The following FBXO22 variants were observed in gnomAD, a reference collection of about 807,000 sequenced individuals.
FBXO22 encodes the protein F-box protein 22.
Under a neutral mutation model 37.2 loss-of-function variants are expected in FBXO22, and 13 were observed. That is an observed-to-expected ratio of 0.35 (90% CI 0.23 to 0.56). The LOEUF is 0.56. FBXO22 is among the 20% of genes least tolerant of loss of function. FBXO22 has a pLI of 0.87. For synonymous variants in FBXO22, 189 were observed against 189.1 expected (o/e 1.00, Z 0.00); for missense variants, 446 against 509.9 (o/e 0.87, Z 1.21).
intron 2 of FBXO22, among the ~76,000 whole-genome samples, chr15:75,906,981 G>A (rs1374328956): frequency 6.6e-6 from 1 of 152,174 alleles, no homozygotes; most frequent in African/African-American, 2.4e-5. Flanking sequence ...AGTATCATCT[G>A]AATTATTAAA....
chr15:75,918,227 G>A (rs566659696), intron 5 of FBXO22, among the ~76,000 whole-genome samples: 3 of 151,892 alleles, frequency 2.0e-5, no homozygotes, highest in South Asian at 2.1e-4. Context: ...GTAAAAAATT[G>A]TGTAGCAGCA....
chr15:75,930,646 T>C (rs1256458426), intron 6 of FBXO22: 29 of 985,386 alleles, frequency 2.9e-5, no homozygotes, highest in Non-Finnish European at 3.4e-5. Flanking sequence ...GATAAAAATA[T>C]TTGCTCTTCT....
chr15:75,911,390 C>A (rs1900049202), intron 2 of FBXO22, among the ~76,000 whole-genome samples: 1 of 152,192 alleles, frequency 6.6e-6, no homozygotes, highest in Admixed American at 6.5e-5. Context: ...TTCTTCCTAT[C>A]CTTGAGCATG....
chr15:75,928,413 T>C (rs1212847794), intron 5 of FBXO22, among the ~76,000 whole-genome samples: 2 of 152,120 alleles, frequency 1.3e-5, no homozygotes, highest in Non-Finnish European at 2.9e-5. Context: ...TAAAAAAGAA[T>C]GAGATCACGT....
At chr15:75,930,967 G>C (rs1203770194) in intron 6 of FBXO22, 1 of 596,908 alleles carries the variant, frequency 1.7e-6, no homozygotes, top group African/African-American at 2.0e-5. Flanking sequence ...TGAGGTCCCT[G>C]GACTGCCAGG....
Position 75,904,059 on chromosome 15 carries a change from T to C in FBXO22, c.96T>C (p.Arg32=). 1 of 1,555,486 alleles carries C rather than the reference T, an allele frequency of 6.4e-7. No individual in the cohort carries two copies. The highest frequency in any genetic ancestry group is 8.7e-7 in the Non-Finnish European group (1 of 1,148,690). The change falls in exon 1 of 7, where the codon CGT becomes CGC. Residue 32 remains arginine (R), a synonymous_variant. Coordinates refer to ENST00000308275, the MANE Select transcript of FBXO22 (RefSeq NM_147188.3). ...VLSNLAEVVE[R]VLTFLPAKAL... ...GTAACCTGGCGGAGGTGGTGGAGCG[T>C]GTGCTCACCTTCCTGCCCGCCAAGG...
At chr15:75,930,136 C>A in intron 6 of FBXO22, 87 bp downstream of exon 6, 1 of 1,598,412 alleles carries the variant, frequency 6.3e-7, no homozygotes. Flanking sequence ...ATTTAAAAAA[C>A]GTGTTTAAAG....
At chr15:75,919,749 G>A (rs181291536) in intron 5 of FBXO22, among the ~76,000 whole-genome samples, 32 of 152,278 alleles carry the variant, frequency 2.1e-4, no homozygotes, top group African/African-American at 7.2e-4. Context: ...TGTAGTTTGT[G>A]GGGGGAATAG....
Position 75,942,365 on chromosome 15 carries a change from G to C in FBXO22, c.*9263G>C, listed in dbSNP as rs150299509. 6.6e-6 allele frequency: 1 copy of C among 151,682 alleles called. No homozygotes were observed. Among genetic ancestry groups the C allele is most frequent in the Admixed American group, 6.6e-5 (1 of 15,232 alleles). 9.4% of individuals were successfully genotyped at this position (151,682 alleles called of 1,614,324 possible). The stretch of plus-strand genomic sequence containing the variant: ...TTGTCTCAAAAAGTAAAGTAAAAAT[G>C]TGTCAATATTGGTTAAACAAATATA... On this transcript the variant is annotated 3_prime_UTR_variant, in exon 7 of 7. Transcript: ENST00000308275.
chr15:75,903,898 C>T lies in FBXO22; in HGVS notation c.-66C>T, dbSNP rs145644601. 3 of 1,428,016 alleles carry T rather than the reference C, an allele frequency of 2.1e-6. No individual in the cohort carries two copies. The highest frequency in any genetic ancestry group is 5.3e-5 in the East Asian group (2 of 37,838). The allele number at this position is 1,428,016 out of a possible 1,614,324, so 88.5% of individuals were successfully genotyped here. A position where few individuals can be genotyped will look rare whatever the true frequency, so the allele number is the denominator to read the frequency against. On this transcript the variant is annotated 5_prime_UTR_variant, in exon 1 of 7. Coordinates refer to ENST00000308275, the MANE Select transcript of FBXO22 (RefSeq NM_147188.3). ...TGCTCAGTGCGCGCCGGCCGGGCAACCCTATGCTGGCGTAATCGGGTTCCT... is the reference window on the plus strand; with the variant it reads ...TGCTCAGTGCGCGCCGGCCGGGCAATCCTATGCTGGCGTAATCGGGTTCCT...
chr15:75,931,767 A>G (rs1335604702), intron 6 of FBXO22, among the ~76,000 whole-genome samples: 1 of 152,228 alleles, frequency 6.6e-6, no homozygotes, highest in African/African-American at 2.4e-5. Context: ...TTTTAAAAAA[A>G]CCAGGCAAAT....
chr15:75,925,147 G>A (rs1900410957), intron 5 of FBXO22, among the ~76,000 whole-genome samples: 1 of 152,170 alleles, frequency 6.6e-6, no homozygotes. Context: ...GTTCTGGGGT[G>A]TGTATTTAAT....
chr15:75,907,286 T>C (rs1212397407), intron 2 of FBXO22, among the ~76,000 whole-genome samples: 1 of 152,226 alleles, frequency 6.6e-6, no homozygotes, highest in Non-Finnish European at 1.5e-5. Flanking sequence ...ATAATTTTCC[T>C]ATGCCCTTAT....
intron 4 of FBXO22, 61 bp downstream of exon 4, chr15:75,914,266 GGT>G: frequency 8.4e-7 from 1 of 1,184,616 alleles, no homozygotes; most frequent in Non-Finnish European, 1.2e-6. Context: ...CCTTTGGATT[GGT>G]GAGTTATTTT....
At chr15:75,919,867 T>C (rs1440102966) in intron 5 of FBXO22, among the ~76,000 whole-genome samples, 1 of 152,244 alleles carries the variant, frequency 6.6e-6, no homozygotes, top group African/African-American at 2.4e-5. Flanking sequence ...ATGGAGGTAC[T>C]GTATGCCAGA....
Position 75,913,299 on chromosome 15 carries a change from C to A in FBXO22, c.367+9C>A, listed in dbSNP as rs541746699. 79 of 1,577,664 alleles carry A rather than the reference C, an allele frequency of 5.0e-5. No homozygotes were observed. The African/African-American group carries it at 9.2e-4, about 18-fold the overall frequency. Reference sequence around the variant, plus strand: ...TCGTGGCCATAAGAGAGGTAAATATCAAAAGAAAAGCTTTTGCTTCTGTTT... The same window carrying A: ...TCGTGGCCATAAGAGAGGTAAATATAAAAAGAAAAGCTTTTGCTTCTGTTT... On this transcript the variant is annotated intron_variant, in intron 3 of 6. Coordinates refer to ENST00000308275, the MANE Select transcript of FBXO22 (RefSeq NM_147188.3).
intron 2 of FBXO22, among the ~76,000 whole-genome samples, chr15:75,911,883 T>C (rs915365051): frequency 1.3e-5 from 2 of 148,500 alleles, no homozygotes; most frequent in African/African-American, 5.0e-5. Flanking sequence ...CCATCTAGTA[T>C]GATACTGGCT....
rs1414530890 is a variant in FBXO22, at chr15:75,939,652, CTGAA to C, written c.*6552_*6555del. ...TTCAACAATTGTCAATACTAGGAAA[CTGAA>C]TTTAGCAGCATATTAAAAGGATTGT... On this transcript the variant is annotated 3_prime_UTR_variant, in exon 7 of 7. Coordinates refer to ENST00000308275, the MANE Select transcript of FBXO22 (RefSeq NM_147188.3). 1 of 152,146 alleles carries C rather than the reference CTGAA, an allele frequency of 6.6e-6. No homozygotes were observed. The highest frequency in any genetic ancestry group is 1.5e-5 in the Non-Finnish European group (1 of 67,992). The allele number at this position is 152,146 out of a possible 1,614,324, so 9.4% of individuals were successfully genotyped here.
intron 2 of FBXO22, among the ~76,000 whole-genome samples, chr15:75,912,400 G>T (rs1900079014): frequency 6.6e-6 from 1 of 152,060 alleles, no homozygotes; most frequent in African/African-American, 2.4e-5. Context: ...GTCTGGTCCT[G>T]GGCTTTTTTT....
Sources: gnomAD v4.1 joint callset for allele counts (sites outside exome capture counted in the v4.1 genomes callset) on GRCh38, gnomAD v4.1.1 for gene constraint, MANE v1.5 for transcripts, NCBI Gene and HGNC (gene_info 2026-07-23, HGNC 2026-07-21) for gene names.